Variants in KTN1 observed in about 807,000 individuals in gnomAD.
The protein encoded by KTN1 is kinectin.
Under a neutral mutation model 222.5 loss-of-function variants are expected in KTN1, and 130 were observed. That is an observed-to-expected ratio of 0.58 (90% CI 0.51 to 0.68). The LOEUF is 0.68. KTN1 is among the 30% of genes least tolerant of loss of function. The pLI, the probability that KTN1 is intolerant of heterozygous loss-of-function variation, is 0.00. For synonymous variants in KTN1, 512 were observed against 496.3 expected (o/e 1.03, Z -0.42); for missense variants, 1,508 against 1,500.4 (o/e 1.01, Z -0.08).
intron 3 of KTN1, 45 bp downstream of exon 3, chr14:55,616,699 A>G: frequency 6.7e-7 from 1 of 1,498,864 alleles, no homozygotes; most frequent in Admixed American, 2.1e-5. Flanking sequence ...ATTCTAGAGA[A>G]GTACACCAGC....
chr14:55,634,141 A>T (rs1418189682), intron 8 of KTN1, among the ~76,000 whole-genome samples: 3 of 152,112 alleles, frequency 2.0e-5, no homozygotes. Flanking sequence ...CTCAAAAAAA[A>T]AAGACACTTT....
Position 55,592,754 on chromosome 14 carries a change from G to A in KTN1, c.-31+12400G>A, listed in dbSNP as rs528185855. On this transcript the variant is annotated intron_variant, in intron 1 of 43. Transcript: ENST00000395314. ...GCATGTGGTTTTCTTAAATTGTTTT[G>A]CACATATATTGTGAAGTAGATCTTT... 9.8e-4 allele frequency among the ~76,000 whole-genome samples: 149 copies of A among 152,272 alleles called. 1 individual carries two copies. The highest frequency in any genetic ancestry group is 1.0e-3 in the Non-Finnish European group (70 of 68,022).
intron 43 of KTN1, chr14:55,681,761 C>G (rs1295025123): frequency 6.6e-6 from 1 of 152,066 alleles, no homozygotes; most frequent in Non-Finnish European, 1.5e-5. Flanking sequence ...ACCAGGCACT[C>G]TCGAACTTCT....
intron 5 of KTN1, among the ~76,000 whole-genome samples, chr14:55,626,408 C>T (rs566465104): frequency 2.0e-5 from 3 of 152,112 alleles, no homozygotes; most frequent in Admixed American, 2.0e-4. Flanking sequence ...CGTTTCATCT[C>T]GTTTTGTGTT....
At chr14:55,665,562 G>T (rs2044637829) in intron 33 of KTN1, among the ~76,000 whole-genome samples, 1 of 151,978 alleles carries the variant, frequency 6.6e-6, no homozygotes, top group Non-Finnish European at 1.5e-5. Context: ...TGATGAAAAG[G>T]AACTATGTGA....
At chr14:55,628,652 C>T (rs1255827560) in intron 6 of KTN1, among the ~76,000 whole-genome samples, 1 of 152,116 alleles carries the variant, frequency 6.6e-6, no homozygotes, top group East Asian at 1.9e-4. Context: ...TTCACCTAGC[C>T]ACTTGATGAC....
chr14:55,667,218 AT>A, intron 33 of KTN1, 22 bp from the exon 34 acceptor site: 1 of 1,400,124 alleles, frequency 7.1e-7, no homozygotes, highest in Non-Finnish European at 1.0e-6. Context: ...TGTAAGTTTG[AT>A]TTGGCTCATC....
chr14:55,647,760 T>C (rs890959908), intron 19 of KTN1, among the ~76,000 whole-genome samples: 4 of 147,160 alleles, frequency 2.7e-5, no homozygotes, highest in Non-Finnish European at 5.9e-5. Context: ...CTGGCTAACA[T>C]GGTGAAACCC....
At chr14:55,589,803 C>A (rs1319470464) in intron 1 of KTN1, among the ~76,000 whole-genome samples, 4 of 151,812 alleles carry the variant, frequency 2.6e-5, no homozygotes, top group African/African-American at 9.7e-5. Flanking sequence ...GGACTACAGG[C>A]ATGCATCACC....
At chr14:55,675,056 A>T (rs923489938) in intron 40 of KTN1, 10 of 152,222 alleles carry the variant, frequency 6.6e-5, no homozygotes, top group Admixed American at 2.0e-4. Flanking sequence ...TCTCCCTCCA[A>T]TTTTAAATGT....
chr14:55,593,707 A>G (rs566044339), intron 1 of KTN1, among the ~76,000 whole-genome samples: 9 of 152,174 alleles, frequency 5.9e-5, no homozygotes, highest in African/African-American at 1.9e-4. Context: ...AGGAATTACT[A>G]ATTTTTAATT....
intron 28 of KTN1, 59 bp downstream of exon 28, chr14:55,653,655 G>C: frequency 1.5e-6 from 2 of 1,306,996 alleles, no homozygotes; most frequent in Non-Finnish European, 2.2e-6. Flanking sequence ...ATTTTCCAGG[G>C]TGTGCTTGAA....
At position 55,671,835 on chromosome 14, in the gene KTN1, A is replaced by G. The variant is rs1333273827; in HGVS notation, c.3489A>G (p.Lys1163=). The part of the protein sequence containing the change: ...LQRSVEQEEN[K]WKVKVDESHK... The stretch of plus-strand genomic sequence containing the variant: ...GAAGTGTTGAGCAAGAAGAAAATAA[A>G]TGGAAAGTTAAGGTCGATGAATCAC... The change falls in exon 37 of 44, where the codon AAA becomes AAG. Residue 1163 remains lysine, a synonymous_variant. Coordinates refer to ENST00000395314, the MANE Select transcript of KTN1 (RefSeq NM_001079521.2). The G allele has an allele frequency of 6.2e-7, 1 of 1,610,544 alleles. No homozygotes were observed. Among genetic ancestry groups the G allele is most frequent in the Non-Finnish European group, 8.5e-7 (1 of 1,176,900 alleles).
rs374315337 is a variant in KTN1, at chr14:55,616,581, C to A, written c.588C>A (p.Leu196=). The change falls in exon 3 of 44, where the codon CTC becomes CTA. Residue 196 remains leucine, a synonymous_variant. Coordinates refer to ENST00000395314, the MANE Select transcript of KTN1 (RefSeq NM_001079521.2). ...CAAAAAGGCAAGAAGCATTGCCCCTCCACCAAGAGACTAAACAAGAAAGTG... is the reference window on the plus strand; with the variant it reads ...CAAAAAGGCAAGAAGCATTGCCCCTACACCAAGAGACTAAACAAGAAAGTG... ...VPSKRQEALP[L]HQETKQESGS... is the part of the protein sequence containing the mutation. The A allele has an allele frequency of 8.1e-6, 13 of 1,607,754 alleles. No individual in the cohort carries two copies. The African/African-American group carries it at 1.8e-4, about 22-fold the overall frequency.
chr14:55,680,938 A>G, intron 43 of KTN1: 2 of 358,856 alleles, frequency 5.6e-6, no homozygotes, highest in East Asian at 7.3e-5. Context: ...GGAAACTTCC[A>G]TCGCTTCTTC....
chr14:55,667,478 T>G (rs192564539), intron 34 of KTN1, 148 bp downstream of exon 34: 126 of 475,460 alleles, frequency 2.7e-4, no homozygotes, highest in Admixed American at 2.2e-3. Context: ...CAGTAAAGAT[T>G]AATAACTTGG....
At chr14:55,646,464 CCTTT>C (rs1566788156) in intron 18 of KTN1, among the ~76,000 whole-genome samples, 311 of 23,406 alleles carry the variant, frequency 0.013, 6 homozygotes, top group South Asian at 0.1. Context: ...TTTTCCTTTT[CCTTT>C]CCTTTCCTTT....
chr14:55,596,713 C>T (rs1394449215), intron 1 of KTN1, among the ~76,000 whole-genome samples: 2 of 152,132 alleles, frequency 1.3e-5, no homozygotes, highest in African/African-American at 4.8e-5. Context: ...TTGGCGTTAG[C>T]TCCCTAAGGT....
At chr14:55,609,201 C>G (rs377276710) in intron 1 of KTN1, among the ~76,000 whole-genome samples, 2 of 152,230 alleles carry the variant, frequency 1.3e-5, no homozygotes, top group East Asian at 1.9e-4. Context: ...CTCTCTGTGT[C>G]CATATGTTCT....
Sources: allele counts gnomAD v4.1 joint callset (sites outside exome capture counted in the v4.1 genomes callset), GRCh38; gene constraint gnomAD v4.1.1; transcripts MANE v1.5; gene names NCBI Gene and HGNC (gene_info 2026-07-23, HGNC 2026-07-21).